TRMT11: variants seen among roughly 807,000 people sequenced by gnomAD.
TRMT11 encodes tRNA (guanine(10)-N(2))-methyltransferase TRMT11.
In TRMT11, 53 loss-of-function variants were observed where a neutral mutation model predicts 62.8. The ratio of observed to expected loss-of-function variants is 0.84; its 90% confidence interval spans 0.68 to 1.06. The LOEUF (loss-of-function observed/expected upper bound fraction) is 1.06, where lower values mean the gene tolerates loss of function less well. Among genes scored for constraint, TRMT11 ranks in the 50% least tolerant of loss-of-function variants. The pLI is 0.00. For synonymous variants in TRMT11, 188 were observed against 190.3 expected (o/e 0.99, Z 0.10); for missense variants, 556 against 553.4 (o/e 1.00, Z -0.05).
chr6:126,178,668 G>A (rs1468282337), intron 1 of TRMT11, among the ~76,000 whole-genome samples: 2 of 152,130 alleles, frequency 1.3e-5, no homozygotes, highest in Non-Finnish European at 2.9e-5. Flanking sequence ...TTTCCTTAGG[G>A]TCACCATGTA....
intron 21 of TRMT11, among the ~76,000 whole-genome samples, chr6:126,141,760 C>T (rs1777919537): frequency 6.6e-6 from 1 of 152,076 alleles, no homozygotes; most frequent in Non-Finnish European, 1.5e-5. Context: ...CTTTGACCTT[C>T]TTTGCAAGAT....
chr6:126,168,455 T>A lies in TRMT11; in HGVS notation c.*1824-6370T>A, dbSNP rs1053993632. ...TGAGGCTAAGTTTTTGCCAGCTGTA[T>A]CCTACTGATCATATTGGCCATTATG... On this transcript the variant is annotated intron_variant and NMD_transcript_variant, in intron 21 of 22. Transcript: ENST00000648977. Among the ~76,000 whole-genome samples the A allele has an allele frequency of 2.6e-5, 4 of 152,212 alleles. No individual in the cohort carries two copies. The East Asian group carries it at 5.8e-4, about 22-fold the overall frequency.
the TRMT11 span, among the ~76,000 whole-genome samples, chr6:126,255,563 A>C: frequency 6.6e-6 from 1 of 152,182 alleles, no homozygotes; most frequent in Non-Finnish European, 1.5e-5. Flanking sequence ...TCTTGCTTTC[A>C]TATCATTGCC....
the TRMT11 span, among the ~76,000 whole-genome samples, chr6:126,216,725 T>C: frequency 6.6e-6 from 1 of 152,194 alleles, no homozygotes; most frequent in African/African-American, 2.4e-5. Flanking sequence ...GTAGTCTTTT[T>C]TGGGTTACTT....
chr6:126,126,009 C>A (rs1333876315), intron 21 of TRMT11, among the ~76,000 whole-genome samples: 2 of 152,048 alleles, frequency 1.3e-5, no homozygotes, highest in Non-Finnish European at 2.9e-5. Flanking sequence ...TTAAGCAGAA[C>A]TCAGTATGGG....
chr6:126,091,394 A>G (rs530261409), intron 17 of TRMT11, among the ~76,000 whole-genome samples: 6 of 152,202 alleles, frequency 3.9e-5, no homozygotes, highest in Non-Finnish European at 2.9e-5. Flanking sequence ...AAATAAGGCA[A>G]ATGTCGAGCT....
At chr6:126,202,938 A>G (rs1778753699), downstream of TRMT11, among the ~76,000 whole-genome samples, 1 of 152,158 alleles carries the variant, frequency 6.6e-6, no homozygotes, top group African/African-American at 2.4e-5. Context: ...AAGTGTAAGG[A>G]AAGTGTGGTT....
At chr6:125,986,914 T>G (rs1789734058) in intron 1 of TRMT11, 1 of 432,276 alleles carries the variant, frequency 2.3e-6, no homozygotes, top group Non-Finnish European at 4.1e-6. Flanking sequence ...CCCGGAGCTC[T>G]TCGTCTAGCG....
chr6:126,189,937 G>T (rs1778575993), intron 1 of TRMT11, among the ~76,000 whole-genome samples: 1 of 151,632 alleles, frequency 6.6e-6, no homozygotes, highest in South Asian at 2.1e-4. Context: ...ATATTTTTGG[G>T]TTACATATAA....
the TRMT11 span, among the ~76,000 whole-genome samples, chr6:126,247,894 A>G: frequency 6.6e-6 from 1 of 152,042 alleles, no homozygotes; most frequent in African/African-American, 2.4e-5. Flanking sequence ...TTCAGCTTGG[A>G]AAAAAACCAC....
chr6:126,235,441 A>G, the TRMT11 span, among the ~76,000 whole-genome samples: 4,433 of 152,318 alleles, frequency 0.029, 225 homozygotes, highest in African/African-American at 0.1. Flanking sequence ...TAACAAAGCT[A>G]TGGAATCAAC....
intron 17 of TRMT11, among the ~76,000 whole-genome samples, chr6:126,100,766 AC>A (rs1777390045): frequency 6.6e-6 from 1 of 152,210 alleles, no homozygotes; most frequent in South Asian, 2.1e-4. Context: ...CATTTATTGC[AC>A]ACTTTATTTT....
chr6:126,269,724 A>G, the TRMT11 span, among the ~76,000 whole-genome samples: 1 of 152,246 alleles, frequency 6.6e-6, no homozygotes, highest in African/African-American at 2.4e-5. Flanking sequence ...TCAAATAAGA[A>G]TGAGGAGGAG....
At chr6:126,230,848 T>C in the TRMT11 span, among the ~76,000 whole-genome samples, 1 of 152,176 alleles carries the variant, frequency 6.6e-6, no homozygotes, top group Non-Finnish European at 1.5e-5. Flanking sequence ...CTATATTGTA[T>C]ATGTCTACGT....
At chr6:126,101,388 C>T (rs1370691109) in intron 17 of TRMT11, among the ~76,000 whole-genome samples, 8 of 152,094 alleles carry the variant, frequency 5.3e-5, no homozygotes, top group South Asian at 2.1e-4. Flanking sequence ...TTTTATAAGA[C>T]TATATATGTT....
the TRMT11 span, among the ~76,000 whole-genome samples, chr6:126,224,309 G>T: frequency 3.9e-5 from 6 of 152,194 alleles, no homozygotes; most frequent in Non-Finnish European, 7.3e-5. Flanking sequence ...GCCTTCCTTT[G>T]AATGAGGCTT....
chr6:125,989,851 C>T (rs1438182251), intron 1 of TRMT11, among the ~76,000 whole-genome samples: 1 of 152,212 alleles, frequency 6.6e-6, no homozygotes, highest in Non-Finnish European at 1.5e-5. Context: ...CTTAGTGCTG[C>T]CAAAACTGAC....
At chr6:126,116,454 C>A (rs1461740630) in intron 21 of TRMT11, among the ~76,000 whole-genome samples, 1 of 152,028 alleles carries the variant, frequency 6.6e-6, no homozygotes, top group Non-Finnish European at 1.5e-5. Flanking sequence ...TAATACAAAT[C>A]TTCTGGCCTC....
chr6:126,179,037 A>G (rs1778425761), intron 1 of TRMT11, among the ~76,000 whole-genome samples: 1 of 152,054 alleles, frequency 6.6e-6, no homozygotes, highest in Non-Finnish European at 1.5e-5. Context: ...TTTTTCCTTA[A>G]ACAAAATTTC....
Sources: gnomAD v4.1 joint callset for allele counts (sites outside exome capture counted in the v4.1 genomes callset) on GRCh38, gnomAD v4.1.1 for gene constraint, MANE v1.5 for transcripts, NCBI Gene and HGNC (gene_info 2026-07-23, HGNC 2026-07-21) for gene names.